The following DDX60 variants were observed in gnomAD, a reference collection of about 807,000 sequenced individuals.
DDX60 encodes the protein DExD/H-box helicase 60, also known as probable ATP-dependent RNA helicase DDX60.
In DDX60, 165 loss-of-function variants were observed where a neutral mutation model predicts 212.8. The observed-to-expected ratio is 0.78, with a 90% confidence interval of 0.68 to 0.88. DDX60 has a LOEUF of 0.88. Ranked by LOEUF, DDX60 falls within the 40% of genes least tolerant of loss-of-function variation. The pLI is 0.00. For missense variants in DDX60, 1,905 were observed against 2,003.9 expected (o/e 0.95, Z 0.94); for synonymous variants, 703 against 685.3 (o/e 1.03, Z -0.40).
At chr4:168,219,869 G>A (rs986361082) in intron 37 of DDX60, among the ~76,000 whole-genome samples, 2 of 151,480 alleles carry the variant, frequency 1.3e-5, no homozygotes, top group Non-Finnish European at 2.9e-5. Flanking sequence ...AAACCCCCTC[G>A]CTACTAAAAA....
At chr4:168,304,682 C>T (rs1258479078) in intron 5 of DDX60, among the ~76,000 whole-genome samples, 2 of 152,004 alleles carry the variant, frequency 1.3e-5, no homozygotes, top group East Asian at 1.9e-4. Flanking sequence ...GCCTGAGTGA[C>T]AGAGTGAAGA....
chr4:168,234,958 A>G (rs1733580430), intron 33 of DDX60, among the ~76,000 whole-genome samples: 1 of 152,076 alleles, frequency 6.6e-6, no homozygotes, highest in South Asian at 2.1e-4. Context: ...TTTTGAGAAT[A>G]AGGCTAGTTA....
At chr4:168,258,280 G>A (rs1446925950) in intron 25 of DDX60, among the ~76,000 whole-genome samples, 1 of 152,058 alleles carries the variant, frequency 6.6e-6, no homozygotes, top group Non-Finnish European at 1.5e-5. Flanking sequence ...ATCTCATTTT[G>A]CAAATAAGTA....
chr4:168,321,036 G>A (rs115095646), upstream of DDX60, among the ~76,000 whole-genome samples: 1,304 of 151,944 alleles, frequency 8.6e-3, 18 homozygotes, highest in African/African-American at 0.029. Flanking sequence ...CAGTTGTTTC[G>A]ACTTTCAGTG....
At chr4:168,298,362 G>A (rs1011423193) in intron 6 of DDX60, among the ~76,000 whole-genome samples, 14 of 151,718 alleles carry the variant, frequency 9.2e-5, no homozygotes, top group South Asian at 2.1e-4. Flanking sequence ...CTAAAACAAA[G>A]TGATTCAGAA....
At chr4:168,225,497 A>T in intron 34 of DDX60, 32 bp downstream of exon 34, 1 of 1,563,390 alleles carries the variant, frequency 6.4e-7, no homozygotes, top group Non-Finnish European at 8.7e-7. Flanking sequence ...TATTCTTCAA[A>T]TTGTTCCACA....
intron 30 of DDX60, among the ~76,000 whole-genome samples, chr4:168,242,072 C>T (rs1375962849): frequency 6.6e-6 from 1 of 152,196 alleles, no homozygotes; most frequent in Non-Finnish European, 1.5e-5. Context: ...GCCTTGGCAG[C>T]TTACACGTGG....
In DDX60 at chr4:168,248,297, A is replaced by C. The variant is rs1490124257; in HGVS notation, c.3859-5T>G. The C allele has an allele frequency of 6.4e-7, 1 of 1,574,098 alleles. No individual in the cohort carries two copies. On this transcript the variant is annotated splice_polypyrimidine_tract_variant and splice_region_variant and intron_variant, in intron 28 of 37. Transcript: ENST00000393743. Reference sequence around the variant, plus strand: ...TGTTCCAGTAGCTGTCACCACCTTGAAAGAGAATAAAACAATTACTTCATA... The same window carrying C: ...TGTTCCAGTAGCTGTCACCACCTTGCAAGAGAATAAAACAATTACTTCATA...
chr4:168,258,524 A>C (rs6855681), intron 25 of DDX60, among the ~76,000 whole-genome samples: 66,297 of 151,902 alleles, frequency 0.44, 15,603 homozygotes, highest in African/African-American at 0.63. Context: ...TGAGCCCAGA[A>C]AAATCCTCAG....
upstream of DDX60, among the ~76,000 whole-genome samples, chr4:168,321,402 G>C (rs763887512): frequency 6.6e-6 from 1 of 152,086 alleles, no homozygotes; most frequent in Non-Finnish European, 1.5e-5. Flanking sequence ...TGTTAATCCT[G>C]ATTAATTCAA....
At chr4:168,309,514 T>A (rs1328971557) in intron 3 of DDX60, among the ~76,000 whole-genome samples, 3 of 152,084 alleles carry the variant, frequency 2.0e-5, no homozygotes, top group Admixed American at 6.6e-5. Context: ...GCTTTTTTTT[T>A]AATCTCACAT....
rs563325835 is a variant in DDX60, at chr4:168,275,167, G to GA, written c.2304+177dup. Among the ~76,000 whole-genome samples, 125 of 152,142 alleles carry GA rather than the reference G, an allele frequency of 8.2e-4. 3 individuals are homozygous for GA. The South Asian group carries it at 0.026, about 31-fold the overall frequency. On this transcript the variant is annotated intron_variant, in intron 16 of 37. Coordinates refer to ENST00000393743, the MANE Select transcript of DDX60 (RefSeq NM_017631.6). ...CAAGGAAATGGTCTATATAATAAAA[G>GA]AAAATCTCACTTTCTTTAAATGGGG...
At chr4:168,271,989 T>C in intron 19 of DDX60, 54 bp downstream of exon 19, 4 of 1,351,220 alleles carry the variant, frequency 3.0e-6, no homozygotes, top group Non-Finnish European at 4.1e-6. Flanking sequence ...AATATCTTCA[T>C]TGCTATGCAA....
chr4:168,291,782 T>C lies in DDX60; in HGVS notation c.1007A>G (p.His336Arg), dbSNP rs1736114195. Residue 336 changes from histidine to arginine, a missense_variant, in exon 8 of 38, where the codon CAT (histidine) becomes CGT (arginine). His to Arg is a conservative substitution (Grantham distance 29). Coordinates refer to ENST00000393743, the MANE Select transcript of DDX60 (RefSeq NM_017631.6). The part of the protein sequence containing the change: ...QRACARVITS[H>R]WAEDMKPLLQ... ...TAAAGGCTTCATGTCCTCAGCCCAA[T>C]GGGAAGTGATGACTCTAGCACAAGC... 5.6e-6 allele frequency: 9 copies of C among 1,609,752 alleles called. No homozygotes were observed. Among genetic ancestry groups the C allele is most frequent in the Non-Finnish European group, 7.6e-6 (9 of 1,178,368 alleles).
chr4:168,274,311 T>C (rs1028474847), intron 16 of DDX60, among the ~76,000 whole-genome samples: 2 of 152,184 alleles, frequency 1.3e-5, no homozygotes, highest in East Asian at 3.8e-4. Flanking sequence ...CAAAATATCT[T>C]ATTATTGAGA....
At chr4:168,219,396 G>T (rs1732969414) in intron 37 of DDX60, among the ~76,000 whole-genome samples, 1 of 152,118 alleles carries the variant, frequency 6.6e-6, no homozygotes, top group African/African-American at 2.4e-5. Context: ...GTGAATGATT[G>T]ATTGATTGAT....
intron 28 of DDX60, 59 bp downstream of exon 28, chr4:168,250,895 G>C: frequency 7.3e-7 from 1 of 1,370,532 alleles, no homozygotes; most frequent in Non-Finnish European, 1.0e-6. Context: ...TACTTTTCCT[G>C]AACATTCAGC....
chr4:168,273,386 G>T lies in DDX60; in HGVS notation c.2467C>A (p.Gln823Lys). ...YVAPTKALVN[Q>K]VAATVQNRFT... ...CGATTCTGAACAGTTGCTGCCACTT[G>T]ATTAACAAGGGCCTGATTGACAAAG... The change falls in exon 18 of 38, where the codon CAA becomes AAA. Residue 823 changes from glutamine (Q) to lysine (K), a missense_variant. By Grantham distance (53) the Gln-to-Lys change is moderately conservative (BLOSUM62 1). Transcript: ENST00000393743. 1 of 1,613,680 alleles carries T rather than the reference G, an allele frequency of 6.2e-7. No individual in the cohort carries two copies. Among genetic ancestry groups the T allele is most frequent in the South Asian group, 1.1e-5 (1 of 90,974 alleles).
intron 33 of DDX60, chr4:168,235,984 G>C (rs543838393): frequency 8.7e-6 from 3 of 344,356 alleles, no homozygotes; most frequent in Admixed American, 1.0e-4. Flanking sequence ...TTAGTCACCT[G>C]ATATTATAAT....
Sources: gnomAD v4.1 joint callset for allele counts (sites outside exome capture counted in the v4.1 genomes callset) on GRCh38, gnomAD v4.1.1 for gene constraint, MANE v1.5 for transcripts, NCBI Gene and HGNC (gene_info 2026-07-23, HGNC 2026-07-21) for gene names.